TRPA1: variants seen among roughly 807,000 people sequenced by gnomAD.
TRPA1 encodes ankyrin-like with transmembrane domains 1.
Under a neutral mutation model 131.3 loss-of-function variants are expected in TRPA1, and 129 were observed. That is an observed-to-expected ratio of 0.98 (90% CI 0.85 to 1.14). The LOEUF is 1.14. Ranked by LOEUF, TRPA1 falls within the 50% of genes most tolerant of loss-of-function variation. The pLI, the probability that TRPA1 is intolerant of heterozygous loss-of-function variation, is 0.00. For missense variants in TRPA1, 1,304 were observed against 1,354.2 expected, an observed-to-expected ratio of 0.96 and a Z score of 0.58; for synonymous variants, 441 against 451.7, an observed-to-expected ratio of 0.98 and a Z score of 0.30.
chr8:72,048,589 G>T (rs528931446), intron 15 of TRPA1, among the ~76,000 whole-genome samples: 48 of 152,068 alleles, frequency 3.2e-4, no homozygotes, highest in African/African-American at 1.1e-3. Flanking sequence ...AATAATCAAC[G>T]TGTGCAAAAT....
chr8:72,023,721 C>T, intron 26 of TRPA1, 93 bp downstream of exon 26: 6 of 817,098 alleles, frequency 7.3e-6, no homozygotes, highest in Admixed American at 2.2e-5. Context: ...ATATATAAAA[C>T]AAAAACATCA....
chr8:72,043,801 AC>A (rs1812337323), intron 17 of TRPA1, among the ~76,000 whole-genome samples: 2 of 152,012 alleles, frequency 1.3e-5, no homozygotes, highest in Admixed American at 1.3e-4. Context: ...AAAAGCCTAT[AC>A]TATAATTTTC....
intron 3 of TRPA1, among the ~76,000 whole-genome samples, chr8:72,066,029 C>A (rs1469963625): frequency 6.6e-6 from 1 of 151,762 alleles, no homozygotes; most frequent in African/African-American, 2.4e-5. Flanking sequence ...TTTTTCTCCT[C>A]CAGTTATTTT....
At chr8:72,057,089 T>A in intron 9 of TRPA1, 72 bp from the exon 10 acceptor site, 1 of 1,249,278 alleles carries the variant, frequency 8.0e-7, no homozygotes, top group East Asian at 2.6e-5. Context: ...GATTTTCAAC[T>A]TAGCAAAAAA....
intron 8 of TRPA1, among the ~76,000 whole-genome samples, chr8:72,058,435 C>A (rs1216605044): frequency 6.6e-6 from 1 of 151,954 alleles, no homozygotes; most frequent in Non-Finnish European, 1.5e-5. Flanking sequence ...AAATCAAAGG[C>A]CTTTTAAAAT....
At chr8:72,085,492 T>G in the TRPA1 span, among the ~76,000 whole-genome samples, 1 of 151,564 alleles carries the variant, frequency 6.6e-6, no homozygotes, top group East Asian at 1.9e-4. Flanking sequence ...AATTATAATC[T>G]AATCAATATG....
intron 25 of TRPA1, among the ~76,000 whole-genome samples, chr8:72,024,522 AC>A (rs1811513806): frequency 6.6e-6 from 1 of 152,098 alleles, no homozygotes; most frequent in Admixed American, 6.6e-5. Flanking sequence ...AAGGGAGGGG[AC>A]AGATCAAGGA....
intron 13 of TRPA1, 107 bp from the exon 14 acceptor site, chr8:72,052,872 T>A: frequency 7.8e-7 from 1 of 1,275,100 alleles, no homozygotes; most frequent in Non-Finnish European, 1.1e-6. Flanking sequence ...AATACCAAAA[T>A]ACATAGCACT....
intron 26 of TRPA1, 191 bp from the exon 27 acceptor site, chr8:72,023,307 T>G (rs1811463337): frequency 1.5e-6 from 1 of 659,728 alleles, no homozygotes; most frequent in Admixed American, 2.5e-5. Context: ...AAAGTTACAC[T>G]GTTAGTTCAT....
At position 72,036,439 on chromosome 8, in the gene TRPA1, C is replaced by A; in HGVS notation, c.2404G>T (p.Asp802Tyr). 1 of 1,613,588 alleles carries A rather than the reference C, an allele frequency of 6.2e-7. No homozygotes were observed. Among genetic ancestry groups the A allele is most frequent in the Non-Finnish European group, 8.5e-7 (1 of 1,179,738 alleles). The stretch of plus-strand genomic sequence containing the variant: ...ATCCATTCAAGAACATTGCTTATAT[C>A]CATAAAATAATTCCTTTTCTGGGAT... ...IFQQKRNYFM[D>Y]ISNVLEWIIY... Residue 802 changes from aspartate to tyrosine, a missense_variant, in exon 21 of 27, where the codon GAT becomes TAT. Coordinates refer to ENST00000262209, the MANE Select transcript of TRPA1 (RefSeq NM_007332.3).
At chr8:72,076,170 T>C (rs1374825863), upstream of TRPA1, among the ~76,000 whole-genome samples, 3 of 152,146 alleles carry the variant, frequency 2.0e-5, no homozygotes, top group Non-Finnish European at 4.4e-5. Flanking sequence ...CAGGTCTCAT[T>C]TCCTGTGGAT....
chr8:72,080,773 T>A, the TRPA1 span, among the ~76,000 whole-genome samples: 37 of 151,824 alleles, frequency 2.4e-4, no homozygotes, highest in African/African-American at 8.9e-4. Flanking sequence ...TAAATTTTGG[T>A]AATTTGTTGA....
intron 15 of TRPA1, among the ~76,000 whole-genome samples, chr8:72,049,448 C>T (rs1417354586): frequency 6.6e-6 from 1 of 152,122 alleles, no homozygotes; most frequent in Admixed American, 6.6e-5. Context: ...CTTCTATTCC[C>T]TGTGTCATTA....
upstream of TRPA1, among the ~76,000 whole-genome samples, chr8:72,079,075 G>T (rs1806241311): frequency 6.6e-6 from 1 of 151,598 alleles, no homozygotes; most frequent in South Asian, 2.1e-4. Flanking sequence ...AAATTCTTTT[G>T]CCTCTTTTTA....
intron 24 of TRPA1, among the ~76,000 whole-genome samples, chr8:72,026,826 T>C (rs1811627875): frequency 6.6e-6 from 1 of 152,174 alleles, no homozygotes; most frequent in Non-Finnish European, 1.5e-5. Context: ...ATTTGCTTTC[T>C]AAGAACAAAT....
chr8:72,038,985 A>T lies in TRPA1; in HGVS notation c.2175T>A (p.Ser725=). 2 of 1,613,096 alleles carry T rather than the reference A, an allele frequency of 1.2e-6. No homozygotes were observed. The highest frequency in any genetic ancestry group is 1.7e-6 in the Non-Finnish European group (2 of 1,179,406). ...GFRAHMMNLG[S]YCLGLIPMTI... is the part of the protein sequence containing the mutation. ...TCATAGGTATGAGACCAAGACAGTA[A>T]GATCCTAAATTCATCATATGAGCTC... The change falls in exon 19 of 27, where the codon TCT becomes TCA. Residue 725 remains serine (S), a synonymous_variant. Transcript: ENST00000262209.
rs184962445 is a variant in TRPA1, at chr8:72,067,257, T to C, written c.445-1699A>G. On this transcript the variant is annotated intron_variant, in intron 3 of 26. Transcript: ENST00000262209. The stretch of plus-strand genomic sequence containing the variant: ...AACTGGGAGAGGCACGTAGAAAAGA[T>C]TGCTGTTTGCAAGCATGAGGGGAGA... Among the ~76,000 whole-genome samples the C allele has an allele frequency of 2.4e-4, 36 of 152,208 alleles. 1 individual carries two copies. In the East Asian group the frequency reaches 6.0e-3, roughly 25 times the overall value.
chr8:72,055,231 T>C (rs1805632616), intron 12 of TRPA1: 2 of 572,552 alleles, frequency 3.5e-6, no homozygotes, highest in African/African-American at 3.8e-5. Flanking sequence ...CGCTATAAAC[T>C]TCAAAGTCTT....
rs201650229 is a variant in TRPA1 at position 72,046,574 on chromosome 8, A to G, written c.2000T>C (p.Leu667Ser). 5.1e-5 allele frequency: 81 copies of G among 1,598,502 alleles called. 1 individual carries two copies. The African/African-American group carries it at 7.5e-4, about 15-fold the overall frequency. ...TGTAGGTGTTTTTTTGGTGAATTCT[A>G]ATGGACATTGAAGATATTTGAAATT... The part of the protein sequence containing the change: ...EYNFKYLQCP[L>S]EFTKKTPTQD... The change falls in exon 17 of 27, where the codon TTA (leucine) becomes TCA (serine). Residue 667 changes from leucine to serine, a missense_variant. By Grantham distance (145) the Leu-to-Ser change is moderately radical (BLOSUM62 -2). Coordinates refer to ENST00000262209, the MANE Select transcript of TRPA1 (RefSeq NM_007332.3).
Sources: allele counts gnomAD v4.1 joint callset (sites outside exome capture counted in the v4.1 genomes callset), GRCh38; gene constraint gnomAD v4.1.1; transcripts MANE v1.5; gene names NCBI Gene and HGNC (gene_info 2026-07-23, HGNC 2026-07-21).